The following TAAR2 variants were observed in gnomAD, a reference collection of about 807,000 sequenced individuals.
The protein encoded by TAAR2 is trace amine associated receptor 2, also known as trace amine-associated receptor 2.
A neutral mutation model predicts 25.5 loss-of-function variants in TAAR2; 30 were observed. The observed-to-expected ratio is 1.18, with a 90% confidence interval of 0.88 to 1.60. TAAR2 has a LOEUF of 1.60. TAAR2 is among the 40% of genes most tolerant of loss of function. The probability of loss-of-function intolerance (pLI) is 0.00; values close to 1 mark genes in which losing one functional copy is unlikely to be tolerated. For synonymous variants in TAAR2, 150 were observed against 142.4 expected, an observed-to-expected ratio of 1.05 and a Z score of -0.38; for missense variants, 481 against 416.5, an observed-to-expected ratio of 1.15 and a Z score of -1.35.
chr6:132,618,074 C>T lies in TAAR2; in HGVS notation c.132G>A (p.Val44=), dbSNP rs774382340. 4 of 1,613,768 alleles carry T rather than the reference C, an allele frequency of 2.5e-6. No individual in the cohort carries two copies. The highest frequency in any genetic ancestry group is 2.2e-5 in the South Asian group (2 of 91,054). ...PENERSLGVR[V]AMYSFMAGSI... is the part of the protein sequence containing the mutation. ...ATCCTGCCATAAATGAATACATAGC[C>T]ACTCGGACACCCAGAGATCTTTCAT... The change falls in exon 2 of 2, where the codon GTG becomes GTA. Residue 44 remains valine (V), a synonymous_variant. Coordinates refer to ENST00000367931, the MANE Select transcript of TAAR2 (RefSeq NM_001033080.1).
chr6:132,622,957 T>TA (rs1201008033), intron 1 of TAAR2, among the ~76,000 whole-genome samples: 17 of 152,180 alleles, frequency 1.1e-4, no homozygotes, highest in Admixed American at 1.1e-3. Flanking sequence ...ATGGATGGTA[T>TA]AATATATAAT....
intron 1 of TAAR2, among the ~76,000 whole-genome samples, chr6:132,620,142 G>A (rs1305611849): frequency 2.0e-5 from 3 of 152,212 alleles, no homozygotes; most frequent in African/African-American, 4.8e-5. Context: ...ACAAGAGAGT[G>A]AGTACAGATT....
In TAAR2 at chr6:132,617,368, A is replaced by G; in HGVS notation, c.838T>C (p.Phe280Leu). The G allele has an allele frequency of 6.2e-7, 1 of 1,613,742 alleles. No individual in the cohort carries two copies. The highest frequency in any genetic ancestry group is 1.1e-5 in the South Asian group (1 of 91,056). The change falls in exon 2 of 2, where the codon TTC (phenylalanine) becomes CTC (leucine). Residue 280 changes from phenylalanine to leucine, a missense_variant. Physicochemically the swap from Phe to Leu is conservative, Grantham distance 22 (BLOSUM62 0). Coordinates refer to ENST00000367931, the MANE Select transcript of TAAR2 (RefSeq NM_001033080.1). The part of the protein sequence containing the change: ...VFLLCWFPCF[F>L]TILLDPFLNF... ...AAAAAGGGATCCAATAAAATTGTGA[A>G]GAAACAAGGAAACCAACATAATAAG... is the stretch of plus-strand genomic sequence containing the variant.
chr6:132,620,767 CT>C (rs751985764), intron 1 of TAAR2, among the ~76,000 whole-genome samples: 43 of 151,674 alleles, frequency 2.8e-4, no homozygotes, highest in Non-Finnish European at 5.7e-4. Flanking sequence ...CATGTACCCC[CT>C]GAACCTAAAA....
rs10583513 is a variant in TAAR2 at position 132,624,150 on chromosome 6, CAT to C, written c.60+64_60+65del. On this transcript the variant is annotated intron_variant, in intron 1 of 1. Transcript: ENST00000367931. ...AATTATTATCTTTGTAAATAATTCA[CAT>C]GTTTATGCCAAAATCTTCTCAGATG... 3.2e-3 allele frequency: 4,681 copies of C among 1,461,248 alleles called. 127 individuals are homozygous for C. In the African/African-American group the frequency reaches 0.056, roughly 18 times the overall value. 90.5% of individuals were successfully genotyped at this position (1,461,248 alleles called of 1,614,324 possible). A position where few individuals can be genotyped will look rare whatever the true frequency, so the allele number is the denominator to read the frequency against.
At chr6:132,618,933 C>T (rs1266368445) in intron 1 of TAAR2, among the ~76,000 whole-genome samples, 2 of 152,088 alleles carry the variant, frequency 1.3e-5, no homozygotes, top group African/African-American at 4.8e-5. Flanking sequence ...TTTCACTGTG[C>T]TGTGTTTTGT....
At chr6:132,621,674 G>T (rs961614894) in intron 1 of TAAR2, among the ~76,000 whole-genome samples, 1 of 152,068 alleles carries the variant, frequency 6.6e-6, no homozygotes, top group African/African-American at 2.4e-5. Flanking sequence ...AGGCTACAGG[G>T]CTTGACTAAT....
At position 132,621,486 on chromosome 6, in the gene TAAR2, C is replaced by T. The variant is rs140753318; in HGVS notation, c.60+2730G>A. ...TGTGTCCACGTGTACTCTTGTTAAG[C>T]TCCCACTTATGAGTGAGAACATGTG... On this transcript the variant is annotated intron_variant, in intron 1 of 1. Coordinates refer to ENST00000367931, the MANE Select transcript of TAAR2 (RefSeq NM_001033080.1). 2.2e-3 allele frequency among the ~76,000 whole-genome samples: 335 copies of T among 152,160 alleles called. 1 individual carries two copies. The highest frequency in any genetic ancestry group is 7.9e-3 in the African/African-American group (328 of 41,524).
intron 1 of TAAR2, among the ~76,000 whole-genome samples, chr6:132,622,437 T>C (rs1449084269): frequency 6.7e-6 from 1 of 150,192 alleles, no homozygotes; most frequent in East Asian, 1.9e-4. Context: ...TGATGATTAA[T>C]GCTTCATTGG....
intron 1 of TAAR2, among the ~76,000 whole-genome samples, chr6:132,621,078 T>C (rs1410391910): frequency 6.6e-6 from 1 of 151,780 alleles, no homozygotes. Flanking sequence ...TTCAGTATGC[T>C]CATTAAAAAG....
Position 132,617,733 on chromosome 6 carries a change from GGAATA to G in TAAR2, c.468_472del (p.Ile157SerfsTer3), listed in dbSNP as rs1777317353. 2 of 1,613,890 alleles carry G rather than the reference GGAATA, an allele frequency of 1.2e-6. No homozygotes were observed. Among genetic ancestry groups the G allele is most frequent in the Non-Finnish European group, 1.7e-6 (2 of 1,179,954 alleles). On this transcript the variant is annotated frameshift_variant, in exon 2 of 2. Coordinates refer to ENST00000367931, the MANE Select transcript of TAAR2 (RefSeq NM_001033080.1). LOFTEE classifies it high-confidence loss of function. ...TAGAAGTAGCAATCTTTTAATGACT[GGAATA>G]GTTATTTTGGTGGAATAAAGTAATG...
chr6:132,618,312 G>T, intron 1 of TAAR2, 167 bp from the exon 2 acceptor site: 4 of 789,650 alleles, frequency 5.1e-6, no homozygotes, highest in Non-Finnish European at 7.6e-6. Flanking sequence ...ATCTTTATTT[G>T]TAATTTTGTA....
At chr6:132,618,510 T>C (rs1777332559) in intron 1 of TAAR2, among the ~76,000 whole-genome samples, 1 of 151,940 alleles carries the variant, frequency 6.6e-6, no homozygotes, top group African/African-American at 2.4e-5. Flanking sequence ...CATGGTGGCA[T>C]GTGCCTGTAA....
At chr6:132,619,666 A>G (rs73555868) in intron 1 of TAAR2, among the ~76,000 whole-genome samples, 4,139 of 152,288 alleles carry the variant, frequency 0.027, 206 homozygotes, top group African/African-American at 0.095. Context: ...CAACACTTAA[A>G]ACCTACATGA....
chr6:132,617,788 C>A lies in TAAR2; in HGVS notation c.418G>T (p.Asp140Tyr). 1.2e-6 allele frequency: 2 copies of A among 1,614,048 alleles called. No individual in the cohort carries two copies. Among genetic ancestry groups the A allele is most frequent in the South Asian group, 2.2e-5 (2 of 91,074 alleles). The change falls in exon 2 of 2, where the codon GAT (aspartate) becomes TAT (tyrosine). Residue 140 changes from aspartate (D) to tyrosine (Y), a missense_variant. Asp to Tyr is a radical substitution (Grantham distance 160). Coordinates refer to ENST00000367931, the MANE Select transcript of TAAR2 (RefSeq NM_001033080.1). Reference sequence around the variant, plus strand: ...GGGTAACATATAGCATAAAATCTATCAATGGCCACTGAGCAAAGATGAAAA... The same window carrying A: ...GGGTAACATATAGCATAAAATCTATAAATGGCCACTGAGCAAAGATGAAAA... The part of the protein sequence containing the change: ...SIFHLCSVAI[D>Y]RFYAICYPLL...
chr6:132,623,557 C>A lies in TAAR2; in HGVS notation c.60+659G>T, dbSNP rs150143800. Among the ~76,000 whole-genome samples the A allele has an allele frequency of 4.6e-5, 7 of 152,216 alleles. No homozygotes were observed. In the East Asian group the frequency reaches 1.4e-3, roughly 29 times the overall value. On this transcript the variant is annotated intron_variant, in intron 1 of 1. Transcript: ENST00000367931. ...ATCTTCCACATACCGGCAGAAGATT[C>A]CATTGTTAACTCCTTACCGAAGGAA...
At chr6:132,623,706 G>A (rs1226604748) in intron 1 of TAAR2, among the ~76,000 whole-genome samples, 19 of 140,542 alleles carry the variant, frequency 1.4e-4, no homozygotes, top group South Asian at 2.3e-4. Flanking sequence ...ATCTGAAAGT[G>A]AAAAAAAAAA....
chr6:132,621,252 T>C (rs1777368856), intron 1 of TAAR2, among the ~76,000 whole-genome samples: 1 of 152,206 alleles, frequency 6.6e-6, no homozygotes, highest in Admixed American at 6.5e-5. Flanking sequence ...GTACTTTTTT[T>C]TCTTTTTCTT....
chr6:132,619,171 C>T (rs532811047), intron 1 of TAAR2, among the ~76,000 whole-genome samples: 18 of 152,140 alleles, frequency 1.2e-4, no homozygotes, highest in East Asian at 1.9e-4. Context: ...AGTTGCCATG[C>T]GTAGGCCACA....
Sources: allele counts gnomAD v4.1 joint callset (sites outside exome capture counted in the v4.1 genomes callset), GRCh38; gene constraint gnomAD v4.1.1; transcripts MANE v1.5; gene names NCBI Gene and HGNC (gene_info 2026-07-23, HGNC 2026-07-21).